The following NAA11 variants were observed in gnomAD, a reference collection of about 807,000 sequenced individuals.
NAA11 encodes N-alpha-acetyltransferase 11.
In NAA11, 15 loss-of-function variants were observed where a neutral mutation model predicts 16.1. The observed-to-expected ratio is 0.93, with a 90% CI of 0.62 to 1.44. NAA11 has a LOEUF of 1.44. NAA11 is among the 40% of genes most tolerant of loss of function. The pLI is 0.00. For missense variants in NAA11, 298 were observed against 291.3 expected, an observed-to-expected ratio of 1.02 and a Z score of -0.17; for synonymous variants, 122 against 112.4, an observed-to-expected ratio of 1.09 and a Z score of -0.54.
intron 2 of NAA11, among the ~76,000 whole-genome samples, chr4:79,241,438 G>A (rs1358081339): frequency 6.6e-6 from 1 of 152,158 alleles, no homozygotes; most frequent in Non-Finnish European, 1.5e-5. Flanking sequence ...ATGGTGGAGG[G>A]TTGGCACCTC....
chr4:79,323,124 G>A (rs1560479046), intron 1 of NAA11, among the ~76,000 whole-genome samples: 2 of 152,112 alleles, frequency 1.3e-5, no homozygotes, highest in South Asian at 4.1e-4. Flanking sequence ...AGCACTTACT[G>A]AAATTATATA....
the NAA11 span, among the ~76,000 whole-genome samples, chr4:79,167,588 C>A: frequency 6.6e-6 from 1 of 151,952 alleles, no homozygotes; most frequent in Non-Finnish European, 1.5e-5. Flanking sequence ...TTATAGTTGT[C>A]AGTGTGAGTT....
At chr4:79,179,122 G>T in the NAA11 span, among the ~76,000 whole-genome samples, 3 of 152,186 alleles carry the variant, frequency 2.0e-5, no homozygotes, top group Non-Finnish European at 4.4e-5. Context: ...AGGCAAAGGT[G>T]AAAGCTCATG....
chr4:79,177,665 T>C, the NAA11 span, among the ~76,000 whole-genome samples: 1 of 152,222 alleles, frequency 6.6e-6, no homozygotes, highest in East Asian at 1.9e-4. Flanking sequence ...GATTTTTACA[T>C]TTTTAGTAAT....
At chr4:79,233,409 T>G (rs1335323191) in intron 2 of NAA11, among the ~76,000 whole-genome samples, 1 of 152,042 alleles carries the variant, frequency 6.6e-6, no homozygotes, top group African/African-American at 2.4e-5. Flanking sequence ...AGCATTTATT[T>G]TACTCATTTT....
the NAA11 span, among the ~76,000 whole-genome samples, chr4:79,199,532 CA>C: frequency 6.6e-6 from 1 of 151,906 alleles, no homozygotes; most frequent in Admixed American, 6.6e-5. Context: ...TGACAAAAAA[CA>C]GATACAATTT....
the NAA11 span, among the ~76,000 whole-genome samples, chr4:79,202,623 T>TTATATATATATATATATG: frequency 7.6e-5 from 4 of 52,622 alleles, no homozygotes; most frequent in African/African-American, 1.8e-4. Flanking sequence ...ATATATAGTT[T>TTATATATATATATATATG]TATATATATA....
chr4:79,285,282 G>A (rs192703831), intron 2 of NAA11, among the ~76,000 whole-genome samples: 1 of 152,212 alleles, frequency 6.6e-6, no homozygotes, highest in Non-Finnish European at 1.5e-5. Flanking sequence ...AGAACACACA[G>A]ACTATTCATC....
At chr4:79,244,589 A>G (rs1169877435) in intron 2 of NAA11, 1 of 146,002 alleles carries the variant, frequency 6.8e-6, no homozygotes, top group Non-Finnish European at 1.5e-5. Flanking sequence ...ATAGCTCTTG[A>G]AAATAAGAAT....
chr4:79,192,462 A>G, the NAA11 span, among the ~76,000 whole-genome samples: 4 of 141,698 alleles, frequency 2.8e-5, no homozygotes, highest in African/African-American at 1.1e-4. Flanking sequence ...CCCACCTATG[A>G]GTGAGAACAT....
chr4:79,271,779 T>G (rs1722498543), intron 2 of NAA11, among the ~76,000 whole-genome samples: 1 of 152,018 alleles, frequency 6.6e-6, no homozygotes, highest in African/African-American at 2.4e-5. Context: ...ATTTGGCTAA[T>G]GAAGTGAAAG....
the NAA11 span, among the ~76,000 whole-genome samples, chr4:79,190,848 G>A: frequency 1.3e-5 from 2 of 151,966 alleles, no homozygotes; most frequent in Non-Finnish European, 2.9e-5. Flanking sequence ...GTAGACCTCA[G>A]TGTCTGTTGT....
At chr4:79,229,971 T>A (rs1260054815) in intron 2 of NAA11, among the ~76,000 whole-genome samples, 2 of 152,022 alleles carry the variant, frequency 1.3e-5, no homozygotes, top group Non-Finnish European at 2.9e-5. Flanking sequence ...ATTGTATCTT[T>A]ATGGATTTTT....
chr4:79,207,722 G>A, the NAA11 span, among the ~76,000 whole-genome samples: 1 of 152,070 alleles, frequency 6.6e-6, no homozygotes, highest in African/African-American at 2.4e-5. Flanking sequence ...GTTATCATTA[G>A]TGACCACTGG....
intron 1 of NAA11, among the ~76,000 whole-genome samples, chr4:79,304,810 T>C (rs2110005721): frequency 6.6e-6 from 1 of 152,210 alleles, no homozygotes; most frequent in Middle Eastern, 3.4e-3. Flanking sequence ...AAGAGTGATT[T>C]GAGAACCCCT....
chr4:79,246,808 A>G (rs1282012888), intron 2 of NAA11, among the ~76,000 whole-genome samples: 1 of 152,194 alleles, frequency 6.6e-6, no homozygotes, highest in Non-Finnish European at 1.5e-5. Flanking sequence ...TTACTTTCTA[A>G]ATTTATTACA....
intron 1 of NAA11, among the ~76,000 whole-genome samples, chr4:79,310,050 A>G (rs1723723170): frequency 6.6e-6 from 1 of 152,160 alleles, no homozygotes; most frequent in East Asian, 1.9e-4. Context: ...GGGATTCATT[A>G]TAATTTTTAT....
chr4:79,283,327 A>G lies in NAA11; in HGVS notation c.*122+10678T>C, dbSNP rs567992955. 1.4e-4 allele frequency among the ~76,000 whole-genome samples: 22 copies of G among 152,190 alleles called. No individual in the cohort carries two copies. In the South Asian group the frequency reaches 4.6e-3, roughly 32 times the overall value. ...TTTTTAATGCTAATGAAAATGATCA[A>G]ATGGAGGAAGAAAAGTTAATAATGT... is the stretch of plus-strand genomic sequence containing the variant. On this transcript the variant is annotated intron_variant and NMD_transcript_variant, in intron 2 of 2. Coordinates refer to the NAA11 transcript ENST00000511542.
chr4:79,181,115 G>A, the NAA11 span, among the ~76,000 whole-genome samples: 12 of 151,748 alleles, frequency 7.9e-5, no homozygotes, highest in Admixed American at 5.9e-4. Flanking sequence ...CCATTAGGAG[G>A]TATACCTAAT....
Sources: allele counts gnomAD v4.1 joint callset (sites outside exome capture counted in the v4.1 genomes callset), GRCh38; gene constraint gnomAD v4.1.1; transcripts MANE v1.5; gene names NCBI Gene and HGNC (gene_info 2026-07-23, HGNC 2026-07-21).